Variants in SRSF11 observed in about 807,000 individuals in gnomAD.
SRSF11 encodes serine/arginine-rich splicing factor 11.
In SRSF11, 9 loss-of-function variants were observed where a neutral mutation model predicts 56.0. The observed-to-expected ratio is 0.16, with a 90% CI of 0.10 to 0.28. SRSF11 has a LOEUF of 0.28. Among genes scored for constraint, SRSF11 ranks in the 10% least tolerant of loss-of-function variants. SRSF11 has a pLI of 1.00. For missense variants in SRSF11, 421 were observed against 600.7 expected (o/e 0.70, Z 3.13); for synonymous variants, 222 against 215.3 (o/e 1.03, Z -0.27).
At chr1:70,227,503 A>G (rs1410372117) in intron 1 of SRSF11, among the ~76,000 whole-genome samples, 1 of 152,170 alleles carries the variant, frequency 6.6e-6, no homozygotes, top group Non-Finnish European at 1.5e-5. Flanking sequence ...CCATGACTCT[A>G]ATACACATTA....
intron 7 of SRSF11, among the ~76,000 whole-genome samples, chr1:70,242,472 C>CTTTTTTTTTTTTTTTTTTT (rs377434872): frequency 2.9e-5 from 4 of 139,392 alleles, no homozygotes; most frequent in African/African-American, 1.1e-4. Flanking sequence ...ATTTTTGCAC[C>CTTTTTTTTTTTTTTTTTTT]TTTTTTTTTT....
At chr1:70,211,323 T>G (rs1669542763) in intron 1 of SRSF11, among the ~76,000 whole-genome samples, 1 of 152,116 alleles carries the variant, frequency 6.6e-6, no homozygotes, top group African/African-American at 2.4e-5. Context: ...TGACTTCATA[T>G]CCACCCCCTC....
chr1:70,226,876 C>T (rs972848975), intron 1 of SRSF11, among the ~76,000 whole-genome samples: 3 of 152,170 alleles, frequency 2.0e-5, no homozygotes, highest in Non-Finnish European at 4.4e-5. Context: ...TTTACTACTG[C>T]GGGTGCAACA....
chr1:70,221,935 G>A, intron 1 of SRSF11, 96 bp downstream of exon 1: 1 of 1,521,894 alleles, frequency 6.6e-7, no homozygotes, highest in South Asian at 1.3e-5. Context: ...GCTTCCCCGG[G>A]CCAGGCTGCT....
rs1184984600 is a variant in SRSF11 at position 70,230,479 on chromosome 1, G to A, written c.338-1789G>A. The A allele has an allele frequency of 2.4e-6, 3 of 1,231,372 alleles. No individual in the cohort carries two copies. The African/African-American group carries it at 4.8e-5, about 20-fold the overall frequency. The allele number at this position is 1,231,372 out of a possible 1,614,324, so 76.3% of individuals were successfully genotyped here. A position where few individuals can be genotyped will look rare whatever the true frequency, so the allele number is the denominator to read the frequency against. On this transcript the variant is annotated intron_variant, in intron 2 of 11. Transcript: ENST00000370949. ...GGAACTCTTAATAGTAATGGATTTG[G>A]GGATTTTTTAGGTTCCTTGGTTAAT...
At chr1:70,230,406 G>A (rs1009129212) in intron 2 of SRSF11, 55 of 1,135,950 alleles carry the variant, frequency 4.8e-5, no homozygotes, top group South Asian at 1.7e-4. Context: ...CATAGTCTAC[G>A]GTAAGGAATA....
At chr1:70,223,681 G>A (rs543725333) in intron 1 of SRSF11, among the ~76,000 whole-genome samples, 1 of 152,212 alleles carries the variant, frequency 6.6e-6, no homozygotes, top group African/African-American at 2.4e-5. Flanking sequence ...AATGTTATTA[G>A]TGGCCTTCTA....
At chr1:70,211,073 C>T (rs1669520273) in intron 1 of SRSF11, among the ~76,000 whole-genome samples, 1 of 152,038 alleles carries the variant, frequency 6.6e-6, no homozygotes, top group South Asian at 2.1e-4. Context: ...TACTCATAAC[C>T]TTTAAAAGCT....
chr1:70,216,480 T>G (rs1007596087), upstream of SRSF11, among the ~76,000 whole-genome samples: 1 of 151,662 alleles, frequency 6.6e-6, no homozygotes, highest in East Asian at 1.9e-4. Flanking sequence ...TCACCCAGAC[T>G]AGAGTACAGT....
intron 7 of SRSF11, among the ~76,000 whole-genome samples, chr1:70,243,336 CAAAAAAAAA>C (rs56098296): frequency 4.8e-3 from 156 of 32,536 alleles, no homozygotes; most frequent in South Asian, 0.01. Context: ...TGGTTGGTGG[CAAAAAAAAA>C]AAAAAAAAAA....
At chr1:70,244,141 G>A (rs576293296) in intron 7 of SRSF11, among the ~76,000 whole-genome samples, 1 of 152,144 alleles carries the variant, frequency 6.6e-6, no homozygotes, top group South Asian at 2.1e-4. Context: ...TTGTTTCAGA[G>A]AAAAATTCGA....
At chr1:70,248,108 G>C (rs1436454986) in intron 9 of SRSF11, among the ~76,000 whole-genome samples, 1 of 152,108 alleles carries the variant, frequency 6.6e-6, no homozygotes, top group African/African-American at 2.4e-5. Context: ...AGGTGTTTTA[G>C]AAAACAGTCT....
chr1:70,232,472 C>G, intron 3 of SRSF11, 95 bp downstream of exon 3: 3 of 896,914 alleles, frequency 3.3e-6, no homozygotes, highest in Non-Finnish European at 5.2e-6. Context: ...TCATAAGATT[C>G]TAGTTCAGAT....
intron 3 of SRSF11, among the ~76,000 whole-genome samples, chr1:70,234,071 C>G (rs1673419022): frequency 6.6e-6 from 1 of 152,062 alleles, no homozygotes; most frequent in African/African-American, 2.4e-5. Flanking sequence ...CTTGGGTGCC[C>G]TGGGGAGCTG....
intron 1 of SRSF11, 36 bp downstream of exon 1, chr1:70,221,875 C>T (rs1259517396): frequency 1.2e-6 from 2 of 1,611,572 alleles, no homozygotes; most frequent in Non-Finnish European, 8.5e-7. Flanking sequence ...CCTGCTAACG[C>T]CGCCTCAGCC....
In SRSF11 at chr1:70,252,768, C is replaced by T. The variant is rs1678123823; in HGVS notation, c.*1963C>T. On this transcript the variant is annotated 3_prime_UTR_variant, in exon 12 of 12. Coordinates refer to ENST00000370949, the MANE Select transcript of SRSF11 (RefSeq NM_001350605.2). ...TCACATATGGTAAACCTAATATTCA[C>T]AGTGTGTTCCCTCACTTGTAATCTC... The T allele has an allele frequency of 6.6e-6, 1 of 152,172 alleles. No individual in the cohort carries two copies. Among genetic ancestry groups the T allele is most frequent in the South Asian group, 2.1e-4 (1 of 4,826 alleles). 9.4% of individuals were successfully genotyped at this position (152,172 alleles called of 1,614,324 possible).
At chr1:70,220,407 GA>G (rs1421796765), upstream of SRSF11, among the ~76,000 whole-genome samples, 33 of 152,280 alleles carry the variant, frequency 2.2e-4, 1 homozygote, top group Admixed American at 2.1e-3. Flanking sequence ...CAAAAGCAAG[GA>G]TTTTTTTAAT....
At chr1:70,241,776 C>T (rs1380668245) in intron 7 of SRSF11, among the ~76,000 whole-genome samples, 1 of 152,186 alleles carries the variant, frequency 6.6e-6, no homozygotes, top group Non-Finnish European at 1.5e-5. Flanking sequence ...CTTAATCTTC[C>T]ATGACAGTGC....
Position 70,221,753 on chromosome 1 carries a change from T to C in SRSF11, c.117T>C (p.Asn39=), listed in dbSNP as rs897848673. 3.7e-6 allele frequency: 6 copies of C among 1,614,022 alleles called. No homozygotes were observed. The African/African-American group carries it at 6.7e-5, about 18-fold the overall frequency. The change falls in exon 1 of 12, where the codon AAT becomes AAC. Residue 39 remains asparagine (N), a synonymous_variant. Transcript: ENST00000370949. Reference sequence around the variant, plus strand: ...GCACCGAGGTAATCCAGGTGACTAATGTCTCCCCGAGCGCTAGCTCTGAGC... The same window carrying C: ...GCACCGAGGTAATCCAGGTGACTAACGTCTCCCCGAGCGCTAGCTCTGAGC... ...GGGTEVIQVT[N]VSPSASSEQM...
Sources: gnomAD v4.1 joint callset for allele counts (sites outside exome capture counted in the v4.1 genomes callset) on GRCh38, gnomAD v4.1.1 for gene constraint, MANE v1.5 for transcripts, NCBI Gene and HGNC (gene_info 2026-07-23, HGNC 2026-07-21) for gene names.